Variants in SLC43A2 observed in about 807,000 individuals in gnomAD.
SLC43A2 encodes large neutral amino acids transporter small subunit 4.
Under a neutral mutation model 63.2 loss-of-function variants are expected in SLC43A2, and 38 were observed. The observed-to-expected ratio is 0.60, with a 90% CI of 0.46 to 0.79. SLC43A2 has a LOEUF of 0.79. SLC43A2 is among the 30% of genes least tolerant of loss of function. The pLI, the probability that SLC43A2 is intolerant of heterozygous loss-of-function variation, is 0.00. For missense variants in SLC43A2, 644 were observed against 756.2 expected (o/e 0.85, Z 1.74); for synonymous variants, 322 against 331.0 (o/e 0.97, Z 0.30).
At chr17:1,600,058 C>A (rs1905782345) in intron 5 of SLC43A2, among the ~76,000 whole-genome samples, 1 of 136,492 alleles carries the variant, frequency 7.3e-6, no homozygotes, top group Non-Finnish European at 1.6e-5. Context: ...AAAAAAAAAT[C>A]ATTTATATTT....
At position 1,585,812 on chromosome 17, in the gene SLC43A2, C is replaced by G. The variant is rs751120759; in HGVS notation, c.1217+101G>C. On this transcript the variant is annotated intron_variant, in intron 10 of 13. Coordinates refer to ENST00000301335, the MANE Select transcript of SLC43A2 (RefSeq NM_152346.3). ...CCGGGAGCAGCTGGAGTGCATTGCT[C>G]TCTCCCTCTGTCCCACCCACCCTGT... is the stretch of plus-strand genomic sequence containing the variant. 2.5e-5 allele frequency: 40 copies of G among 1,604,348 alleles called. No homozygotes were observed. In the South Asian group the frequency reaches 3.9e-4, roughly 16 times the overall value.
rs1334275934 is a variant in SLC43A2 at position 1,575,257 on chromosome 17, T to C, written c.*347A>G. The stretch of plus-strand genomic sequence containing the variant: ...TGGCAGGCAGGGGATGGCAGCCCCC[T>C]CTGCTTTGGCAAGAGGCAGAATCCA... On this transcript the variant is annotated 3_prime_UTR_variant, in exon 14 of 14. Coordinates refer to ENST00000301335, the MANE Select transcript of SLC43A2 (RefSeq NM_152346.3). The C allele has an allele frequency of 1.8e-5, 7 of 380,816 alleles. No homozygotes were observed. The highest frequency in any genetic ancestry group is 1.1e-4 in the African/African-American group (5 of 47,120). The allele number at this position is 380,816 out of a possible 1,614,324, so 23.6% of individuals were successfully genotyped here.
intron 5 of SLC43A2, among the ~76,000 whole-genome samples, chr17:1,612,510 C>T (rs1465399925): frequency 5.3e-5 from 8 of 152,332 alleles, no homozygotes; most frequent in East Asian, 1.9e-4. Flanking sequence ...CCACGGGAGG[C>T]GGGTGGTCAG....
chr17:1,604,983 T>C, intron 5 of SLC43A2: 3 of 1,448,106 alleles, frequency 2.1e-6, no homozygotes, highest in Non-Finnish European at 2.7e-6. Flanking sequence ...AGCGCGGGCC[T>C]CGAGGGCTGG....
intron 9 of SLC43A2, among the ~76,000 whole-genome samples, chr17:1,587,752 A>C (rs1904351849): frequency 7.2e-6 from 1 of 139,820 alleles, no homozygotes; most frequent in Non-Finnish European, 1.5e-5. Context: ...GTATCTATTT[A>C]ACTCCTAGAT....
intron 13 of SLC43A2, 77 bp downstream of exon 13, chr17:1,576,520 C>G (rs2075933204): frequency 6.6e-7 from 1 of 1,509,524 alleles, no homozygotes; most frequent in Non-Finnish European, 8.8e-7. Flanking sequence ...CCTGAAGCCC[C>G]CGAGGGGGAC....
chr17:1,598,563 G>A (rs1168005012), intron 5 of SLC43A2, among the ~76,000 whole-genome samples: 2 of 152,230 alleles, frequency 1.3e-5, no homozygotes, highest in Non-Finnish European at 2.9e-5. Context: ...TAAAAAGAGT[G>A]TCTCAAACTT....
Position 1,613,283 on chromosome 17 carries a change from T to C in SLC43A2, c.425-12A>G. On this transcript the variant is annotated splice_polypyrimidine_tract_variant and intron_variant, in intron 4 of 13. Coordinates refer to ENST00000301335, the MANE Select transcript of SLC43A2 (RefSeq NM_152346.3). ...GAGCACGGAGAGAGCTGCAGGGACA[T>C]GGAAAGCTCGTGAGTGGAGACCCCA... 6.2e-7 allele frequency: 1 copy of C among 1,613,866 alleles called. No homozygotes were observed. Among genetic ancestry groups the C allele is most frequent in the African/African-American group, 1.3e-5 (1 of 74,988 alleles).
At chr17:1,576,960 G>A (rs1283584487) in intron 12 of SLC43A2, among the ~76,000 whole-genome samples, 1 of 151,212 alleles carries the variant, frequency 6.6e-6, no homozygotes, top group African/African-American at 2.4e-5. Context: ...CGCCTCCCCA[G>A]TCCAAACAAT....
chr17:1,592,029 C>T (rs1440114155), intron 6 of SLC43A2, among the ~76,000 whole-genome samples: 1 of 152,226 alleles, frequency 6.6e-6, no homozygotes, highest in African/African-American at 2.4e-5. Context: ...CCTGGTCCGT[C>T]GGCTTGTCTG....
chr17:1,594,097 C>T (rs558161051), intron 5 of SLC43A2, among the ~76,000 whole-genome samples: 11 of 152,040 alleles, frequency 7.2e-5, no homozygotes, highest in African/African-American at 2.4e-4. Flanking sequence ...AGTGCTGGGA[C>T]TACAGGCGTG....
chr17:1,588,460 G>A (rs1904423621), intron 9 of SLC43A2, among the ~76,000 whole-genome samples: 1 of 151,928 alleles, frequency 6.6e-6, no homozygotes, highest in Non-Finnish European at 1.5e-5. Context: ...GGAGGCTGAG[G>A]TGGGAGAACT....
intron 2 of SLC43A2, among the ~76,000 whole-genome samples, chr17:1,624,614 G>T (rs1050560025): frequency 6.6e-6 from 1 of 151,954 alleles, no homozygotes; most frequent in Non-Finnish European, 1.5e-5. Flanking sequence ...AAACTAACTG[G>T]GTTTGATGGC....
At chr17:1,594,808 T>A (rs1441758455) in intron 5 of SLC43A2, among the ~76,000 whole-genome samples, 2 of 151,694 alleles carry the variant, frequency 1.3e-5, no homozygotes, top group Admixed American at 6.6e-5. Flanking sequence ...CAGGATGGTC[T>A]GGATCTCCTG....
chr17:1,580,900 G>A (rs1036395859), intron 11 of SLC43A2, among the ~76,000 whole-genome samples: 2 of 152,038 alleles, frequency 1.3e-5, no homozygotes, highest in African/African-American at 4.8e-5. Context: ...ACAACACCTG[G>A]CTAATTTTTA....
chr17:1,614,021 A>C (rs542757692), intron 4 of SLC43A2, among the ~76,000 whole-genome samples: 1 of 152,108 alleles, frequency 6.6e-6, no homozygotes, highest in Non-Finnish European at 1.5e-5. Context: ...AGGCAGGTGG[A>C]TCACGAGGTC....
Position 1,593,226 on chromosome 17 carries a change from C to T in SLC43A2, c.555G>A (p.Gly185=), listed in dbSNP as rs775170966. ...AGGTGACTGCCGAGGAGGCGTAGGA[C>T]CCAATCATCAAGGCAATAAACGTGG... ...LRSTFIALMI[G]SYASSAVTFP... The change falls in exon 6 of 14, where the codon GGG becomes GGA. Residue 185 remains glycine, a synonymous_variant. Coordinates refer to ENST00000301335, the MANE Select transcript of SLC43A2 (RefSeq NM_152346.3). This position sits in a 1 kb window ranked among gnomAD's most constrained non-coding sequence, Gnocchi z 5.3. The T allele has an allele frequency of 6.2e-7, 1 of 1,614,068 alleles. No individual in the cohort carries two copies. The highest frequency in any genetic ancestry group is 1.7e-5 in the Admixed American group (1 of 60,004).
In SLC43A2 at chr17:1,575,389, G is replaced by A; in HGVS notation, c.*215C>T. 1 of 631,864 alleles carries A rather than the reference G, an allele frequency of 1.6e-6. No homozygotes were observed. Among genetic ancestry groups the A allele is most frequent in the South Asian group, 2.0e-5 (1 of 51,098 alleles). The allele number at this position is 631,864 out of a possible 1,614,324, so 39.1% of individuals were successfully genotyped here. On this transcript the variant is annotated 3_prime_UTR_variant, in exon 14 of 14. Transcript: ENST00000301335. ...CCGGGGGGCGGCAGAGCAAAGTCAG[G>A]GCAGCCCCTGCGTTCGGCAGGAGAA... is the stretch of plus-strand genomic sequence containing the variant.
intron 11 of SLC43A2, among the ~76,000 whole-genome samples, chr17:1,581,549 A>T (rs2076014405): frequency 6.6e-6 from 1 of 152,188 alleles, no homozygotes; most frequent in Non-Finnish European, 1.5e-5. Flanking sequence ...GGCCTCCTGT[A>T]AAAAGGGAGG....
Sources: gnomAD v4.1 joint callset for allele counts (sites outside exome capture counted in the v4.1 genomes callset) on GRCh38, gnomAD v4.1.1 for gene constraint, Gnocchi (gnomAD v3.1) non-coding constraint, MANE v1.5 for transcripts, NCBI Gene and HGNC (gene_info 2026-07-23, HGNC 2026-07-21) for gene names.